Variants in DSTN observed in about 807,000 individuals in gnomAD.
DSTN encodes the protein destrin.
A neutral mutation model predicts 16.8 loss-of-function variants in DSTN; 10 were observed. The ratio of observed to expected loss-of-function variants is 0.60; its 90% CI spans 0.37 to 1.01. The LOEUF is 1.01. Among genes scored for constraint, DSTN ranks in the 50% least tolerant of loss-of-function variants. DSTN has a pLI of 0.01. For synonymous variants in DSTN, 57 were observed against 58.9 expected, an observed-to-expected ratio of 0.97 and a Z score of 0.14; for missense variants, 141 against 196.7, an observed-to-expected ratio of 0.72 and a Z score of 1.69.
At position 17,586,370 on chromosome 20, in the gene DSTN, A is replaced by G. The variant is rs1483788929; in HGVS notation, c.4-14368A>G. ...AGGGACATATTTTAGGACAAAACCA[A>G]TGGCTTGCCTCATAGGACCCAGTTT... On this transcript the variant is annotated intron_variant, in intron 1 of 3. Coordinates refer to ENST00000246069, the MANE Select transcript of DSTN (RefSeq NM_006870.4). Among the ~76,000 whole-genome samples, 13 of 152,314 alleles carry G rather than the reference A, an allele frequency of 8.5e-5. No individual in the cohort carries two copies. In the East Asian group the frequency reaches 2.3e-3, roughly 27 times the overall value.
Position 17,609,015 on chromosome 20 carries a change from G to A in DSTN, c.*1869G>A, listed in dbSNP as rs983754106. 1 of 152,210 alleles carries A rather than the reference G, an allele frequency of 6.6e-6. No homozygotes were observed. Among genetic ancestry groups the A allele is most frequent in the African/African-American group, 2.4e-5 (1 of 41,446 alleles). 9.4% of individuals were successfully genotyped at this position (152,210 alleles called of 1,614,324 possible). On this transcript the variant is annotated 3_prime_UTR_variant, in exon 4 of 4. Coordinates refer to ENST00000246069, the MANE Select transcript of DSTN (RefSeq NM_006870.4). ...CTCTACCATACAGCCTAGGTGTGTA[G>A]TAGGCTATGCCACTAGGTTTAAGTG...
In DSTN at chr20:17,609,809, A is replaced by G. The variant is rs1255658108; in HGVS notation, c.*2663A>G. 1 of 151,756 alleles carries G rather than the reference A, an allele frequency of 6.6e-6. No homozygotes were observed. The highest frequency in any genetic ancestry group is 1.5e-5 in the Non-Finnish European group (1 of 67,914). The allele number at this position is 151,756 out of a possible 1,614,324, so 9.4% of individuals were successfully genotyped here. A position where few individuals can be genotyped will look rare whatever the true frequency, so the allele number is the denominator to read the frequency against. On this transcript the variant is annotated 3_prime_UTR_variant, in exon 4 of 4. Transcript: ENST00000246069. ...CCAGAAAATACGTTTACCTCTTCAC[A>G]AATGCTAACACACTGCAAAAATATG...
chr20:17,570,141 G>C lies in DSTN; in HGVS notation c.-68G>C. On this transcript the variant is annotated 5_prime_UTR_variant, in exon 1 of 4. Transcript: ENST00000246069. Reference sequence around the variant, plus strand: ...GGTCTCTCGGTCCCGCAGCCGTGAGGAGGACGGTCTGCATACTCGCTGCCC... The same window carrying C: ...GGTCTCTCGGTCCCGCAGCCGTGAGCAGGACGGTCTGCATACTCGCTGCCC... The C allele has an allele frequency of 6.6e-7, 1 of 1,513,470 alleles. No individual in the cohort carries two copies. The highest frequency in any genetic ancestry group is 8.8e-7 in the Non-Finnish European group (1 of 1,135,294). The allele number at this position is 1,513,470 out of a possible 1,614,324, so 93.8% of individuals were successfully genotyped here.
In DSTN at chr20:17,608,854, A is replaced by G. The variant is rs2035670367; in HGVS notation, c.*1708A>G. On this transcript the variant is annotated 3_prime_UTR_variant, in exon 4 of 4. Coordinates refer to ENST00000246069, the MANE Select transcript of DSTN (RefSeq NM_006870.4). ...TGCATTATTACATGTCAAAGACTGC[A>G]TATACTATGGTGGTCCCATACAATT... 2 of 152,240 alleles carry G rather than the reference A, an allele frequency of 1.3e-5. No homozygotes were observed. Among genetic ancestry groups the G allele is most frequent in the South Asian group, 4.1e-4 (2 of 4,832 alleles). 9.4% of individuals were successfully genotyped at this position (152,240 alleles called of 1,614,324 possible).
chr20:17,574,695 C>T (rs1051761161), intron 1 of DSTN, among the ~76,000 whole-genome samples: 1 of 135,216 alleles, frequency 7.4e-6, no homozygotes, highest in Non-Finnish European at 1.5e-5. Context: ...CATTGCACTC[C>T]AGCCTGGGTG....
intron 1 of DSTN, among the ~76,000 whole-genome samples, chr20:17,598,381 C>T (rs1199693387): frequency 6.6e-6 from 1 of 152,104 alleles, no homozygotes; most frequent in East Asian, 1.9e-4. Flanking sequence ...TTATTTTAGC[C>T]CTCCTAGTGG....
rs71192397 is a variant in DSTN at position 17,583,735 on chromosome 20, C to CTTTTTTTTTTTTTTTTTTT, written c.3+13529_3+13547dup. Among the ~76,000 whole-genome samples, 33 of 72,490 alleles carry CTTTTTTTTTTTTTTTTTTT rather than the reference C, an allele frequency of 4.6e-4. 6 individuals carry two copies. The highest frequency in any genetic ancestry group is 1.5e-3 in the East Asian group (3 of 2,058). 47.6% of individuals were successfully genotyped at this position (72,490 alleles called of 152,430 possible). A position where few individuals can be genotyped will look rare whatever the true frequency, so the allele number is the denominator to read the frequency against. Reference sequence around the variant, plus strand: ...ATGACTGCTAATGGGTTTGGAGTTTCTTTTTTTTTTTTTTTTTTTTTTTGA... The same window carrying CTTTTTTTTTTTTTTTTTTT: ...ATGACTGCTAATGGGTTTGGAGTTTCTTTTTTTTTTTTTTTTTTTTTTTTTTTTTTTTTTTTTTTTTTGA... On this transcript the variant is annotated intron_variant, in intron 1 of 3. Coordinates refer to ENST00000246069, the MANE Select transcript of DSTN (RefSeq NM_006870.4).
At chr20:17,599,002 C>G (rs896580051) in intron 1 of DSTN, among the ~76,000 whole-genome samples, 1 of 152,198 alleles carries the variant, frequency 6.6e-6, no homozygotes, top group Non-Finnish European at 1.5e-5. Flanking sequence ...CATGCCCACA[C>G]AAAACCTTGT....
At chr20:17,588,160 C>T (rs6034859) in intron 1 of DSTN, among the ~76,000 whole-genome samples, 55,286 of 152,044 alleles carry the variant, frequency 0.36, 10,635 homozygotes, top group East Asian at 0.64. Flanking sequence ...AGACTGTTTC[C>T]GTGCTTCTGG....
intron 3 of DSTN, chr20:17,605,141 G>T (rs1201490640): frequency 2.2e-6 from 1 of 456,352 alleles, no homozygotes; most frequent in East Asian, 6.9e-5. Flanking sequence ...CTGGTCAGTT[G>T]TATTTGACTT....
chr20:17,570,649 G>A (rs1157281136), intron 1 of DSTN, among the ~76,000 whole-genome samples: 1 of 152,246 alleles, frequency 6.6e-6, no homozygotes, highest in African/African-American at 2.4e-5. Context: ...AGCTGGCGCT[G>A]AGGCGCTTGG....
chr20:17,606,312 C>T (rs907084340), intron 3 of DSTN, among the ~76,000 whole-genome samples: 1 of 152,138 alleles, frequency 6.6e-6, no homozygotes, highest in African/African-American at 2.4e-5. Context: ...TGTATGTAAT[C>T]CATAATTGAG....
chr20:17,570,759 C>G (rs2035194068), intron 1 of DSTN, among the ~76,000 whole-genome samples: 1 of 152,246 alleles, frequency 6.6e-6, no homozygotes, highest in Non-Finnish European at 1.5e-5. Context: ...CGCTAACGAG[C>G]AGGATCCTGG....
At chr20:17,587,221 T>C (rs74273007) in intron 1 of DSTN, among the ~76,000 whole-genome samples, 14,983 of 148,476 alleles carry the variant, frequency 0.1, 1,452 homozygotes, top group African/African-American at 0.26. Context: ...AAAAAAAAAA[T>C]TCTTGTTATG....
At chr20:17,583,913 T>TC (rs1236400577) in intron 1 of DSTN, among the ~76,000 whole-genome samples, 2 of 151,814 alleles carry the variant, frequency 1.3e-5, no homozygotes, top group Admixed American at 6.6e-5. Flanking sequence ...TTTTAAAAAG[T>TC]TTTTTTGTCA....
chr20:17,585,488 T>C (rs980338483), intron 1 of DSTN, among the ~76,000 whole-genome samples: 1 of 152,206 alleles, frequency 6.6e-6, no homozygotes, highest in African/African-American at 2.4e-5. Flanking sequence ...GCTTACTGTT[T>C]GGTTAATATG....
chr20:17,605,473 T>G (rs1167999210), intron 3 of DSTN, among the ~76,000 whole-genome samples: 1 of 152,236 alleles, frequency 6.6e-6, no homozygotes, highest in African/African-American at 2.4e-5. Flanking sequence ...TGATTTTGTT[T>G]TGTTTGTTTT....
chr20:17,594,537 G>A (rs1278396440), intron 1 of DSTN, among the ~76,000 whole-genome samples: 1 of 152,182 alleles, frequency 6.6e-6, no homozygotes, highest in African/African-American at 2.4e-5. Context: ...ACTGGAAGTA[G>A]TTTACATAAC....
chr20:17,591,781 G>A (rs916993118), intron 1 of DSTN, among the ~76,000 whole-genome samples: 1 of 152,170 alleles, frequency 6.6e-6, no homozygotes, highest in African/African-American at 2.4e-5. Flanking sequence ...ACTTGCCTAA[G>A]GTGACATAGC....
Sources: gnomAD v4.1 joint callset for allele counts (sites outside exome capture counted in the v4.1 genomes callset) on GRCh38, gnomAD v4.1.1 for gene constraint, MANE v1.5 for transcripts, NCBI Gene and HGNC (gene_info 2026-07-23, HGNC 2026-07-21) for gene names.